The following RYK variants were observed in gnomAD, a reference collection of about 807,000 sequenced individuals.
RYK encodes the protein inactive tyrosine-protein kinase RYK.
In RYK, 21 loss-of-function variants were observed where a neutral mutation model predicts 70.2. That is an observed-to-expected ratio of 0.30 (90% CI 0.21 to 0.43). The LOEUF (loss-of-function observed/expected upper bound fraction) is 0.43. Ranked by LOEUF, RYK falls within the 20% of genes least tolerant of loss-of-function variation. The pLI is 1.00. For missense variants in RYK, 604 were observed against 753.3 expected, an observed-to-expected ratio of 0.80 and a Z score of 2.32; for synonymous variants, 267 against 278.0, an observed-to-expected ratio of 0.96 and a Z score of 0.39.
intron 8 of RYK, 125 bp from the exon 9 acceptor site, chr3:134,189,048 C>A: frequency 1.9e-6 from 1 of 533,904 alleles, no homozygotes; most frequent in South Asian, 3.1e-5. Flanking sequence ...ATTACTGTAG[C>A]CCTAGAGTAA....
At chr3:134,167,664 A>G (rs532475861) in intron 13 of RYK, among the ~76,000 whole-genome samples, 3 of 152,382 alleles carry the variant, frequency 2.0e-5, no homozygotes, top group African/African-American at 7.2e-5. Context: ...CTAAAACCAT[A>G]AAAACAATAG....
intron 13 of RYK, among the ~76,000 whole-genome samples, chr3:134,165,479 T>G (rs2108142320): frequency 6.6e-6 from 1 of 152,312 alleles, no homozygotes; most frequent in East Asian, 1.9e-4. Context: ...ATATGTTAGC[T>G]ATAGGTTTTT....
At position 134,175,755 on chromosome 3, in the gene RYK, G is replaced by T. The variant is rs963511315; in HGVS notation, c.1429C>A (p.Leu477Ile). 1.9e-6 allele frequency: 3 copies of T among 1,613,752 alleles called. No individual in the cohort carries two copies. In the African/African-American group the frequency reaches 4.0e-5, roughly 22 times the overall value. Residue 477 changes from leucine (L) to isoleucine (I), a missense_variant, in exon 13 of 15, where the codon CTT (leucine) becomes ATT (isoleucine). Transcript: ENST00000623711. The stretch of plus-strand genomic sequence containing the variant: ...GCATTGTCTGTGATCTTAACTTGAA[G>T]TGTGTCATCAATGCTGAAAAGTAAA... ...AARNCVIDDT[L>I]QVKITDNALS...
chr3:134,206,957 A>G (rs2014229834), intron 5 of RYK, among the ~76,000 whole-genome samples: 1 of 152,320 alleles, frequency 6.6e-6, no homozygotes, highest in African/African-American at 2.4e-5. Flanking sequence ...AAGAAGAGTA[A>G]GACCCAACGA....
intron 13 of RYK, among the ~76,000 whole-genome samples, chr3:134,161,096 T>A (rs1040025069): frequency 1.3e-5 from 2 of 152,140 alleles, no homozygotes; most frequent in Non-Finnish European, 2.9e-5. Context: ...CAACTGAACA[T>A]ATTCTCTTAT....
chr3:134,196,797 C>T (rs1398353690), intron 6 of RYK, among the ~76,000 whole-genome samples: 1 of 152,058 alleles, frequency 6.6e-6, no homozygotes, highest in East Asian at 1.9e-4. Flanking sequence ...GCTATTGTAA[C>T]CAAACATCTG....
intron 1 of RYK, among the ~76,000 whole-genome samples, chr3:134,247,579 G>A (rs1002201356): frequency 6.6e-6 from 1 of 152,026 alleles, no homozygotes; most frequent in Non-Finnish European, 1.5e-5. Flanking sequence ...ATGCGTGCCT[G>A]TAATCCCAAC....
rs1257894435 is a variant in RYK at position 134,250,796 on chromosome 3, C to T, written c.-142G>A. On this transcript the variant is annotated 5_prime_UTR_variant, in exon 1 of 15. Coordinates refer to ENST00000623711, the MANE Select transcript of RYK (RefSeq NM_002958.4). ...GCCGGCCCGTGGCAGCCAGCAGTGG[C>T]TTCAGACCTCCGGAGCGCGCCGCCG... is the stretch of plus-strand genomic sequence containing the variant. 4.8e-6 allele frequency: 1 copy of T among 206,796 alleles called. No homozygotes were observed. Among genetic ancestry groups the T allele is most frequent in the Non-Finnish European group, 8.0e-6 (1 of 125,326 alleles). The allele number at this position is 206,796 out of a possible 1,614,324, so 12.8% of individuals were successfully genotyped here.
chr3:134,174,114 G>C (rs2013016511), intron 13 of RYK, among the ~76,000 whole-genome samples: 1 of 152,196 alleles, frequency 6.6e-6, no homozygotes, highest in African/African-American at 2.4e-5. Flanking sequence ...AAGGTGGTAT[G>C]AACTTGGAAC....
intron 13 of RYK, among the ~76,000 whole-genome samples, chr3:134,165,342 C>T (rs1379468748): frequency 6.6e-6 from 1 of 152,164 alleles, no homozygotes; most frequent in Non-Finnish European, 1.5e-5. Flanking sequence ...TTTCTATCTA[C>T]TCTTTTCTTC....
At chr3:134,217,032 A>T (rs2014576448) in intron 2 of RYK, among the ~76,000 whole-genome samples, 1 of 152,150 alleles carries the variant, frequency 6.6e-6, no homozygotes, top group South Asian at 2.1e-4. Flanking sequence ...GGCATGTGTG[A>T]CCTATGCGCT....
rs185111387 is a variant in RYK at position 134,182,268 on chromosome 3, A to G, written c.1172+734T>C. 3.9e-5 allele frequency among the ~76,000 whole-genome samples: 6 copies of G among 152,324 alleles called. No homozygotes were observed. In the South Asian group the frequency reaches 8.3e-4, roughly 21 times the overall value. ...TAAATAAAATGTGGTACATCCATTC[A>G]GTGGACTACTATGTAGCCTTTTTAA... is the stretch of plus-strand genomic sequence containing the variant. On this transcript the variant is annotated intron_variant, in intron 10 of 14. Coordinates refer to ENST00000623711, the MANE Select transcript of RYK (RefSeq NM_002958.4).
intron 1 of RYK, among the ~76,000 whole-genome samples, chr3:134,230,518 A>G (rs1222304370): frequency 3.3e-5 from 5 of 152,260 alleles, no homozygotes. Flanking sequence ...ACTTTGTAAC[A>G]ATAGGGATGA....
chr3:134,167,747 T>C (rs1165696744), intron 13 of RYK, among the ~76,000 whole-genome samples: 1 of 152,160 alleles, frequency 6.6e-6, no homozygotes, highest in Non-Finnish European at 1.5e-5. Context: ...CCAAAAGCAA[T>C]GGCAACAAAA....
At chr3:134,237,187 C>A (rs903324846) in intron 1 of RYK, among the ~76,000 whole-genome samples, 1 of 152,114 alleles carries the variant, frequency 6.6e-6, no homozygotes, top group Non-Finnish European at 1.5e-5. Context: ...AACTCAAGTT[C>A]TAATAATTCA....
Position 134,159,362 on chromosome 3 carries a change from T to A in RYK, c.1587A>T (p.Gly529=). Residue 529 remains glycine, a synonymous_variant, in exon 14 of 15, where the codon GGA becomes GGT. Transcript: ENST00000623711. The stretch of plus-strand genomic sequence containing the variant: ...GAGTCATGAGTTCCCACAGCGTCAC[T>A]CCAAAGGCCCACTAGTAAAGGAGCA... ...FSSASDVWAF[G]VTLWELMTLG... 1 of 1,606,162 alleles carries A rather than the reference T, an allele frequency of 6.2e-7. No individual in the cohort carries two copies.
Position 134,177,850 on chromosome 3 carries a change from CAG to C in RYK, c.1305+89_1305+90del, listed in dbSNP as rs2013161511. On this transcript the variant is annotated intron_variant, in intron 11 of 14. Transcript: ENST00000623711. ...AGGTTCTTTTTTGCAGGCCTCTAAA[CAG>C]TTTATATTTAAGAATGTTAATATCT... is the stretch of plus-strand genomic sequence containing the variant. The C allele has an allele frequency of 2.7e-6, 3 of 1,125,580 alleles. No homozygotes were observed. The African/African-American group carries it at 4.7e-5, about 18-fold the overall frequency. 69.7% of individuals were successfully genotyped at this position (1,125,580 alleles called of 1,614,324 possible). A position where few individuals can be genotyped will look rare whatever the true frequency, so the allele number is the denominator to read the frequency against.
intron 1 of RYK, among the ~76,000 whole-genome samples, chr3:134,224,221 C>G (rs2014819422): frequency 6.6e-6 from 1 of 152,030 alleles, no homozygotes; most frequent in South Asian, 2.1e-4. Flanking sequence ...TTATTGTATA[C>G]AAGGCAAGGG....
intron 2 of RYK, among the ~76,000 whole-genome samples, chr3:134,211,819 C>A (rs548417015): frequency 6.6e-5 from 10 of 152,290 alleles, no homozygotes; most frequent in Admixed American, 5.2e-4. Context: ...TATTTTAAGT[C>A]CACAACAGGA....
Sources: gnomAD v4.1 joint callset for allele counts (sites outside exome capture counted in the v4.1 genomes callset) on GRCh38, gnomAD v4.1.1 for gene constraint, MANE v1.5 for transcripts, NCBI Gene and HGNC (gene_info 2026-07-23, HGNC 2026-07-21) for gene names.